MTUS1: variants seen among roughly 807,000 people sequenced by gnomAD.
MTUS1 encodes the protein microtubule associated scaffold protein 1.
Under a neutral mutation model 120.8 loss-of-function variants are expected in MTUS1, and 109 were observed. The observed-to-expected ratio is 0.90, with a 90% CI of 0.77 to 1.06. The LOEUF (loss-of-function observed/expected upper bound fraction) is 1.06. Among genes scored for constraint, MTUS1 ranks in the 50% least tolerant of loss-of-function variants. The pLI is 0.00. For synonymous variants in MTUS1, 737 were observed against 550.5 expected, an observed-to-expected ratio of 1.34 and a Z score of -4.74; for missense variants, 2,210 against 1,486.3, an observed-to-expected ratio of 1.49 and a Z score of -8.01.
At chr8:17,761,918 A>C (rs2049064853) in intron 1 of MTUS1, among the ~76,000 whole-genome samples, 2 of 152,224 alleles carry the variant, frequency 1.3e-5, no homozygotes, top group African/African-American at 4.8e-5. Context: ...CCTGATCTTC[A>C]ACCTCCCTTG....
Position 17,656,070 on chromosome 8 carries a change from A to C in MTUS1, c.2906-5T>G. The C allele has an allele frequency of 6.2e-7, 1 of 1,613,796 alleles. No homozygotes were observed. The highest frequency in any genetic ancestry group is 8.5e-7 in the Non-Finnish European group (1 of 1,179,678). Reference sequence around the variant, plus strand: ...CACAGGTGGTTGAAGCAGTGACTGAAAACAGAGGAGAAAGAAGAGGGAAGA... The same window carrying C: ...CACAGGTGGTTGAAGCAGTGACTGACAACAGAGGAGAAAGAAGAGGGAAGA... On this transcript the variant is annotated splice_region_variant and splice_polypyrimidine_tract_variant and intron_variant, in intron 8 of 14. Transcript: ENST00000693296.
chr8:17,674,675 G>A, intron 8 of MTUS1: 1 of 987,324 alleles, frequency 1.0e-6, no homozygotes, highest in Non-Finnish European at 1.2e-6. Flanking sequence ...CGGGGAGGTG[G>A]TGAACCATCA....
chr8:17,728,104 G>A (rs1476616876), intron 3 of MTUS1, among the ~76,000 whole-genome samples: 2 of 152,160 alleles, frequency 1.3e-5, no homozygotes, highest in Non-Finnish European at 2.9e-5. Context: ...ATCCTATTCT[G>A]TAAAACAAAA....
chr8:17,673,304 A>G (rs1812402717), intron 8 of MTUS1, among the ~76,000 whole-genome samples: 1 of 152,164 alleles, frequency 6.6e-6, no homozygotes, highest in African/African-American at 2.4e-5. Context: ...TGAAGTTTCC[A>G]TCTGTCTTAA....
intron 6 of MTUS1, among the ~76,000 whole-genome samples, chr8:17,707,965 C>G (rs1428547881): frequency 6.6e-6 from 1 of 152,138 alleles, no homozygotes; most frequent in African/African-American, 2.4e-5. Flanking sequence ...CAAAATGAAT[C>G]AGAAACCTAA....
chr8:17,755,684 T>A lies in MTUS1; in HGVS notation c.124A>T (p.Ser42Cys), dbSNP rs377191713. The change falls in exon 2 of 15, where the codon AGC becomes TGC. Residue 42 changes from serine to cysteine, a missense_variant. Coordinates refer to ENST00000693296, the MANE Select transcript of MTUS1 (RefSeq NM_001363059.2). ...TTGGCAGAATTCCAGTTCACACTGC[T>A]GGCTGAAGAGTTTTGTGTAGGTGGT... The part of the protein sequence containing the change: ...KSPPTQNSSA[S>C]SVNWNSANPD... 37 of 1,614,128 alleles carry A rather than the reference T, an allele frequency of 2.3e-5. No individual in the cohort carries two copies. The highest frequency in any genetic ancestry group is 1.2e-4 in the Admixed American group (7 of 60,010).
intron 6 of MTUS1, among the ~76,000 whole-genome samples, chr8:17,690,003 C>G (rs1293022676): frequency 6.6e-6 from 1 of 152,124 alleles, no homozygotes; most frequent in East Asian, 1.9e-4. Context: ...AAAGCAAATG[C>G]AGCAAAAACA....
At chr8:17,800,545 C>A (rs75587943) in intron 1 of MTUS1, 92 of 152,264 alleles carry the variant, frequency 6.0e-4, no homozygotes, top group African/African-American at 2.1e-3. Flanking sequence ...CAAAAACGTT[C>A]CTCAGTGAAC....
chr8:17,665,855 T>C (rs956453309), intron 8 of MTUS1, among the ~76,000 whole-genome samples: 8 of 152,094 alleles, frequency 5.3e-5, no homozygotes, highest in Non-Finnish European at 7.3e-5. Flanking sequence ...AAAAATGACC[T>C]TTCCCCCCCT....
Position 17,754,800 on chromosome 8 carries a change from A to G in MTUS1, c.1008T>C (p.Asn336=), listed in dbSNP as rs752217635. Residue 336 remains asparagine, a synonymous_variant, in exon 2 of 15, where the codon AAT becomes AAC. Coordinates refer to ENST00000693296, the MANE Select transcript of MTUS1 (RefSeq NM_001363059.2). The part of the protein sequence containing the change: ...SSYRHKEMGQ[N]LRETVSYCLI... ...GACAATAGGACACTGTCTCTCTCAG[A>G]TTTTGGCCCATTTCCTTGTGCCTGT... 4 of 1,614,078 alleles carry G rather than the reference A, an allele frequency of 2.5e-6. No individual in the cohort carries two copies. The African/African-American group carries it at 5.3e-5, about 22-fold the overall frequency.
intron 2 of MTUS1, among the ~76,000 whole-genome samples, chr8:17,745,940 T>C (rs534518963): frequency 1.3e-5 from 2 of 152,278 alleles, no homozygotes; most frequent in African/African-American, 4.8e-5. Flanking sequence ...TTGCTGTTCT[T>C]ATGACAGTGA....
intron 1 of MTUS1, among the ~76,000 whole-genome samples, chr8:17,766,956 G>A (rs1179002930): frequency 6.6e-6 from 1 of 151,982 alleles, no homozygotes; most frequent in Non-Finnish European, 1.5e-5. Flanking sequence ...TAGGTAGACT[G>A]AATTGACAAT....
intron 8 of MTUS1, among the ~76,000 whole-genome samples, chr8:17,673,093 C>CT (rs1422780024): frequency 6.6e-6 from 1 of 152,180 alleles, no homozygotes; most frequent in Non-Finnish European, 1.5e-5. Flanking sequence ...AAAAAGGCCT[C>CT]TTTCCTGATC....
chr8:17,783,201 T>C (rs1255294269), intron 1 of MTUS1, among the ~76,000 whole-genome samples: 1 of 152,226 alleles, frequency 6.6e-6, no homozygotes, highest in Admixed American at 6.5e-5. Context: ...TAAAGACGAT[T>C]TGCTCACTGG....
chr8:17,669,774 G>T (rs1014705845), intron 8 of MTUS1, among the ~76,000 whole-genome samples: 1 of 152,146 alleles, frequency 6.6e-6, no homozygotes, highest in Non-Finnish European at 1.5e-5. Flanking sequence ...GAATCCAGGA[G>T]GTGGAGGTTG....
At chr8:17,710,806 A>G (rs1821130282) in intron 6 of MTUS1, among the ~76,000 whole-genome samples, 1 of 152,206 alleles carries the variant, frequency 6.6e-6, no homozygotes, top group Non-Finnish European at 1.5e-5. Flanking sequence ...GAAAGTCAAA[A>G]TTACTCCTTG....
chr8:17,751,089 G>A (rs903969138), intron 2 of MTUS1, among the ~76,000 whole-genome samples: 5 of 152,256 alleles, frequency 3.3e-5, no homozygotes, highest in Admixed American at 2.6e-4. Context: ...GGCCAATGTG[G>A]GCGGATCACT....
chr8:17,677,567 C>T (rs1813378648), intron 7 of MTUS1, among the ~76,000 whole-genome samples: 2 of 152,102 alleles, frequency 1.3e-5, no homozygotes, highest in African/African-American at 4.8e-5. Flanking sequence ...TGCAAAAATA[C>T]ACCAGGTGAT....
intron 6 of MTUS1, among the ~76,000 whole-genome samples, chr8:17,689,938 AG>A (rs138283134): frequency 2.0e-3 from 305 of 152,108 alleles, no homozygotes; most frequent in Non-Finnish European, 3.5e-3. Flanking sequence ...GGAGGGAACT[AG>A]AAAAAACTCT....
Sources: allele counts gnomAD v4.1 joint callset (sites outside exome capture counted in the v4.1 genomes callset), GRCh38; gene constraint gnomAD v4.1.1; transcripts MANE v1.5; gene names NCBI Gene and HGNC (gene_info 2026-07-23, HGNC 2026-07-21).